Variants in MAP1A observed in about 807,000 individuals in gnomAD.
The protein encoded by MAP1A is microtubule-associated protein 1A.
Under a neutral mutation model 185.9 loss-of-function variants are expected in MAP1A, and 42 were observed. The observed-to-expected ratio is 0.23, with a 90% CI of 0.18 to 0.29. The LOEUF is 0.29. MAP1A is among the 10% of genes least tolerant of loss of function. The pLI, the probability that MAP1A is intolerant of heterozygous loss-of-function variation, is 1.00. For synonymous variants in MAP1A, 1,229 were observed against 1,335.9 expected, an observed-to-expected ratio of 0.92 and a Z score of 1.74; for missense variants, 2,995 against 3,450.4, an observed-to-expected ratio of 0.87 and a Z score of 3.31.
At chr15:43,512,372 C>A in intron 2 of MAP1A, 2 of 1,042,918 alleles carry the variant, frequency 1.9e-6, no homozygotes, top group South Asian at 2.8e-5. Flanking sequence ...AGTGGCCTTG[C>A]GGGAGGTTTG....
In MAP1A at chr15:43,521,160, G is replaced by A. The variant is rs1220744144; in HGVS notation, c.-151+48G>A. On this transcript the variant is annotated intron_variant, in intron 3 of 5. Coordinates refer to ENST00000300231, the MANE Select transcript of MAP1A (RefSeq NM_002373.6). This position sits in a 1 kb window ranked among gnomAD's most constrained non-coding sequence, Gnocchi z 4.6. ...TGGGAGAAAGGGTAGCACTAGAGCT[G>A]TGGGAGGGATCTAAGGGAAAGTCTC... 2 of 1,519,030 alleles carry A rather than the reference G, an allele frequency of 1.3e-6. No individual in the cohort carries two copies. Among genetic ancestry groups the A allele is most frequent in the African/African-American group, 1.4e-5 (1 of 72,270 alleles). The allele number at this position is 1,519,030 out of a possible 1,614,324, so 94.1% of individuals were successfully genotyped here. A position where few individuals can be genotyped will look rare whatever the true frequency, so the allele number is the denominator to read the frequency against.
chr15:43,528,231 C>G lies in MAP1A; in HGVS notation c.6758C>G (p.Pro2253Arg). The part of the protein sequence containing the change: ...LLSNLPRPAS[P>R]ALSEGSSSEA... ...TCCAATCTGCCACGACCTGCCTCACCAGCCCTGTCTGAGGGCTCCTCCTCT... is the reference window on the plus strand; with the variant it reads ...TCCAATCTGCCACGACCTGCCTCACGAGCCCTGTCTGAGGGCTCCTCCTCT... The change falls in exon 4 of 6, where the codon CCA becomes CGA. Residue 2253 changes from proline (P) to arginine (R), a missense_variant. Pro to Arg is a moderately radical substitution (Grantham distance 103, BLOSUM62 -2). This residue lies in a region of MAP1A where 2,728 missense variants were observed against 2,986.0 expected (regional missense o/e 0.91). Coordinates refer to ENST00000300231, the MANE Select transcript of MAP1A (RefSeq NM_002373.6). The G allele has an allele frequency of 6.2e-7, 1 of 1,614,090 alleles. No individual in the cohort carries two copies. The highest frequency in any genetic ancestry group is 8.5e-7 in the Non-Finnish European group (1 of 1,180,034).
At position 43,530,672 on chromosome 15, in the gene MAP1A, G is replaced by A. The variant is rs145665790; in HGVS notation, c.*448G>A. 667 of 181,618 alleles carry A rather than the reference G, an allele frequency of 3.7e-3. 3 individuals are homozygous for A. The highest frequency in any genetic ancestry group is 0.015 in the African/African-American group (618 of 42,470). The allele number at this position is 181,618 out of a possible 1,614,324, so 11.3% of individuals were successfully genotyped here. A position where few individuals can be genotyped will look rare whatever the true frequency, so the allele number is the denominator to read the frequency against. On this transcript the variant is annotated 3_prime_UTR_variant, in exon 6 of 6. Coordinates refer to ENST00000300231, the MANE Select transcript of MAP1A (RefSeq NM_002373.6). Reference sequence around the variant, plus strand: ...TTTATGTGACCTGGGGCAGGATACCGTCAGTGAGGTGCCCAGAGCTGCACC... The same window carrying A: ...TTTATGTGACCTGGGGCAGGATACCATCAGTGAGGTGCCCAGAGCTGCACC...
exon 1 of MAP1A, chr15:43,510,987 C>T (rs1295266115): frequency 1.3e-6 from 2 of 1,539,272 alleles, no homozygotes; most frequent in South Asian, 1.2e-5. Flanking sequence ...GCGGGTGTTT[C>T]CATGGAGACC....
In MAP1A at chr15:43,525,259, A is replaced by G. The variant is rs771354406; in HGVS notation, c.3786A>G (p.Thr1262=). 6.2e-7 allele frequency: 1 copy of G among 1,614,204 alleles called. No individual in the cohort carries two copies. The highest frequency in any genetic ancestry group is 1.1e-5 in the South Asian group (1 of 91,084). Residue 1262 remains threonine (T), a synonymous_variant, in exon 4 of 6, where the codon ACA becomes ACG. Coordinates refer to ENST00000300231, the MANE Select transcript of MAP1A (RefSeq NM_002373.6). ...CTGTTCCAGAGCCCCATGCAGCCAC[A>G]GCGTCACCTCCCACAGATGGGACAA... ...PMSVPEPHAA[T]ASPPTDGTTR... is the part of the protein sequence containing the mutation.
In MAP1A at chr15:43,524,112, C is replaced by T; in HGVS notation, c.2639C>T (p.Thr880Ile). ...DTVTSIPSSR[T>I]EATQGLDYVP... ...GTCACAAGCATCCCTTCCTCCCGTA[C>T]TGAAGCTACGCAGGGCTTGGACTAT... Residue 880 changes from threonine to isoleucine, a missense_variant, in exon 4 of 6, where the codon ACT becomes ATT. Thr to Ile is a moderately conservative substitution (Grantham distance 89, BLOSUM62 -1). This residue lies in a region of MAP1A where 2,728 missense variants were observed against 2,986.0 expected (regional missense o/e 0.91). Transcript: ENST00000300231. 1 of 1,614,212 alleles carries T rather than the reference C, an allele frequency of 6.2e-7. No homozygotes were observed.
Position 43,529,504 on chromosome 15 carries a change from A to G in MAP1A, c.8031A>G (p.Gly2677=). The change falls in exon 4 of 6, where the codon GGA becomes GGG. Residue 2677 remains glycine, a synonymous_variant. Coordinates refer to ENST00000300231, the MANE Select transcript of MAP1A (RefSeq NM_002373.6). The surrounding 1 kb of genome is among the most constrained non-coding windows in gnomAD (Gnocchi z 4.3). ...GCCTAGTCAATGGACTCAAGGCAGG[A>G]CCAAGTAAGTATATCATGAAACTTG... is the stretch of plus-strand genomic sequence containing the variant. ...SKGLVNGLKA[G]PMALSSKGSS... The G allele has an allele frequency of 1.9e-6, 3 of 1,604,130 alleles. No homozygotes were observed. Among genetic ancestry groups the G allele is most frequent in the Non-Finnish European group, 2.6e-6 (3 of 1,173,736 alleles).
At position 43,528,100 on chromosome 15, in the gene MAP1A, C is replaced by G. The variant is rs758216411; in HGVS notation, c.6627C>G (p.Pro2209=). 17 of 1,614,070 alleles carry G rather than the reference C, an allele frequency of 1.1e-5. No individual in the cohort carries two copies. Among genetic ancestry groups the G allele is most frequent in the South Asian group, 3.3e-5 (3 of 91,084 alleles). Residue 2209 remains proline, a synonymous_variant, in exon 4 of 6, where the codon CCC becomes CCG. Transcript: ENST00000300231. Reference sequence around the variant, plus strand: ...CTCTGGCTCTGGCTCCAGGACCCCCCACCAGAACCCGGCATGATGAATACC... The same window carrying G: ...CTCTGGCTCTGGCTCCAGGACCCCCGACCAGAACCCGGCATGATGAATACC... ...DRALALAPGP[P]TRTRHDEYLE...
intron 2 of MAP1A, 66 bp from the exon 3 acceptor site, chr15:43,520,906 A>AG (rs1332893451): frequency 3.4e-6 from 5 of 1,466,256 alleles, no homozygotes; most frequent in Non-Finnish European, 4.6e-6. Flanking sequence ...TGAGGTACTG[A>AG]GGGGCCATTC....
rs967523262 is a variant in MAP1A, at chr15:43,528,073, A to AGCTCTG, written c.6611_6616dup (p.Leu2204_Ala2205dup). ...GCTCCCTTGCCTTCTCTGGGGATCG[A>AGCTCTG]GCTCTGGCTCTGGCTCCAGGACCCC... On this transcript the variant is annotated inframe_insertion, in exon 4 of 6. Coordinates refer to ENST00000300231, the MANE Select transcript of MAP1A (RefSeq NM_002373.6). The AGCTCTG allele has an allele frequency of 3.7e-6, 6 of 1,613,664 alleles. No homozygotes were observed. The highest frequency in any genetic ancestry group is 1.1e-5 in the South Asian group (1 of 91,066).
chr15:43,525,054 C>T lies in MAP1A; in HGVS notation c.3581C>T (p.Thr1194Ile). The T allele has an allele frequency of 1.9e-6, 3 of 1,614,170 alleles. No individual in the cohort carries two copies. The highest frequency in any genetic ancestry group is 2.5e-6 in the Non-Finnish European group (3 of 1,180,042). Residue 1194 changes from threonine to isoleucine, a missense_variant, in exon 4 of 6, where the codon ACC becomes ATC. By Grantham distance (89) the Thr-to-Ile change is moderately conservative. Coordinates refer to ENST00000300231, the MANE Select transcript of MAP1A (RefSeq NM_002373.6). ...DRWPEVSPED[T>I]QSLSLSEESP... ...TGGCCAGAGGTATCTCCAGAAGACA[C>T]CCAGTCACTTTCTCTGTCAGAAGAG...
upstream of MAP1A, among the ~76,000 whole-genome samples, chr15:43,517,217 T>C (rs2079300742): frequency 6.6e-6 from 1 of 152,108 alleles, no homozygotes. Context: ...CTCCAGGGAC[T>C]GAAGGTCACT....
upstream of MAP1A, among the ~76,000 whole-genome samples, chr15:43,515,377 G>C (rs1355019820): frequency 6.6e-6 from 1 of 152,218 alleles, no homozygotes; most frequent in Non-Finnish European, 1.5e-5. Flanking sequence ...ACCGGGGTCT[G>C]CATTGCTGTC....
rs1335270881 is a variant in MAP1A at position 43,523,333 on chromosome 15, A to G, written c.1860A>G (p.Lys620=). ...LDSGAETEEE[K]DTWEEKKQRE... is the part of the protein sequence containing the mutation. ...CTGGGGCTGAAACAGAGGAAGAGAA[A>G]GATACCTGGGAGGAAAAGAAGCAGA... Residue 620 remains lysine (K), a synonymous_variant, in exon 4 of 6, where the codon AAA becomes AAG. Transcript: ENST00000300231. 3.1e-6 allele frequency: 5 copies of G among 1,610,578 alleles called. No homozygotes were observed. In the Admixed American group the frequency reaches 8.4e-5, roughly 27 times the overall value.
At chr15:43,511,069 C>A in exon 1 of MAP1A, 1 of 1,549,552 alleles carries the variant, frequency 6.5e-7, no homozygotes, top group African/African-American at 1.4e-5. Flanking sequence ...GAAGTCCCGG[C>A]GCACCGCTGG....
chr15:43,526,114 G>A lies in MAP1A; in HGVS notation c.4641G>A (p.Lys1547=), dbSNP rs1450153224. ...AAAAGGATAAAGTCTCAGAAAAGAAGGATCAGGCCTTAGAACAAAAATACT... is the reference window on the plus strand; with the variant it reads ...AAAAGGATAAAGTCTCAGAAAAGAAAGATCAGGCCTTAGAACAAAAATACT... The part of the protein sequence containing the change: ...QEQKDKVSEK[K]DQALEQKYWA... The change falls in exon 4 of 6, where the codon AAG becomes AAA. Residue 1547 remains lysine (K), a synonymous_variant. Coordinates refer to ENST00000300231, the MANE Select transcript of MAP1A (RefSeq NM_002373.6). This position sits in a 1 kb window ranked among gnomAD's most constrained non-coding sequence, Gnocchi z 4.7. The A allele has an allele frequency of 1.5e-5, 25 of 1,613,948 alleles. No homozygotes were observed. The highest frequency in any genetic ancestry group is 2.0e-5 in the Non-Finnish European group (24 of 1,180,052).
chr15:43,525,342 C>T lies in MAP1A; in HGVS notation c.3869C>T (p.Ala1290Val), dbSNP rs757899270. Residue 1290 changes from alanine (A) to valine (V), a missense_variant, in exon 4 of 6, where the codon GCC becomes GTC. By Grantham distance (64) the Ala-to-Val change is moderately conservative (BLOSUM62 0). This residue lies in a region of MAP1A where 2,728 missense variants were observed against 2,986.0 expected (regional missense o/e 0.91). Coordinates refer to ENST00000300231, the MANE Select transcript of MAP1A (RefSeq NM_002373.6). The stretch of plus-strand genomic sequence containing the variant: ...GACAGCCTTGACAGGAAGTCACCTG[C>T]CAGCTCATTCTCTCACTCTACACCT... ...TDDSLDRKSP[A>V]SSFSHSTPSG... is the part of the protein sequence containing the mutation. The T allele has an allele frequency of 2.5e-5, 40 of 1,614,024 alleles. No homozygotes were observed. Among genetic ancestry groups the T allele is most frequent in the Non-Finnish European group, 3.4e-5 (40 of 1,180,016 alleles).
At position 43,523,346 on chromosome 15, in the gene MAP1A, G is replaced by A. The variant is rs571879773; in HGVS notation, c.1873G>A (p.Glu625Lys). The change falls in exon 4 of 6, where the codon GAA becomes AAA. Residue 625 changes from glutamate to lysine, a missense_variant. Around this residue, in one of 3 missense-constraint regions of MAP1A, gnomAD observed 2,728 missense variants for 2,986.0 expected, o/e 0.91. Coordinates refer to ENST00000300231, the MANE Select transcript of MAP1A (RefSeq NM_002373.6). ...ETEEEKDTWE[E>K]KKQREAERLP... The stretch of plus-strand genomic sequence containing the variant: ...AGAGGAAGAGAAAGATACCTGGGAG[G>A]AAAAGAAGCAGAGGGAAGCAGAGAG... 68 of 1,610,282 alleles carry A rather than the reference G, an allele frequency of 4.2e-5. No individual in the cohort carries two copies. The highest frequency in any genetic ancestry group is 5.5e-5 in the Non-Finnish European group (65 of 1,178,136).
Position 43,524,731 on chromosome 15 carries a change from T to C in MAP1A, c.3258T>C (p.Cys1086=), listed in dbSNP as rs1566977955. The C allele has an allele frequency of 1.2e-6, 2 of 1,614,100 alleles. No individual in the cohort carries two copies. The highest frequency in any genetic ancestry group is 1.7e-6 in the Non-Finnish European group (2 of 1,179,992). ...PVNIDEGLTG[C]TIQLLPAQDK... The stretch of plus-strand genomic sequence containing the variant: ...ACATTGATGAGGGGCTTACAGGCTG[T>C]ACCATTCAACTGTTGCCAGCACAGG... Residue 1086 remains cysteine, a synonymous_variant, in exon 4 of 6, where the codon TGT becomes TGC. Transcript: ENST00000300231.
Sources: allele counts gnomAD v4.1 joint callset (sites outside exome capture counted in the v4.1 genomes callset), GRCh38; gene constraint gnomAD v4.1.1; regional missense constraint gnomAD v4.1.1; non-coding constraint Gnocchi (gnomAD v3.1); transcripts MANE v1.5; gene names NCBI Gene and HGNC (gene_info 2026-07-23, HGNC 2026-07-21).